Variants in ZNF236 observed in about 807,000 individuals in gnomAD.
The protein encoded by ZNF236 is regulated by glucose.
A neutral mutation model predicts 191.2 loss-of-function variants in ZNF236; 50 were observed. That is an observed-to-expected ratio of 0.26 (90% CI 0.21 to 0.33). ZNF236 has a LOEUF of 0.33. ZNF236 is among the 10% of genes least tolerant of loss of function. The pLI is 1.00. For synonymous variants in ZNF236, 907 were observed against 928.8 expected, an observed-to-expected ratio of 0.98 and a Z score of 0.43; for missense variants, 1,754 against 2,374.5, an observed-to-expected ratio of 0.74 and a Z score of 5.43.
chr18:76,865,995 C>A (rs1179537401), intron 3 of ZNF236, among the ~76,000 whole-genome samples: 1 of 152,228 alleles, frequency 6.6e-6, no homozygotes, highest in East Asian at 1.9e-4. Context: ...CTGGTCACTA[C>A]TCTGTCCAAA....
In ZNF236 at chr18:76,925,930, C is replaced by T. The variant is rs1260885687; in HGVS notation, c.4027+376C>T. On this transcript the variant is annotated intron_variant, in intron 22 of 30. Transcript: ENST00000320610. This position sits in a 1 kb window ranked among gnomAD's most constrained non-coding sequence, Gnocchi z 5.7. ...CAGTTTTCCAGTTGTTCTTGCGTCT[C>T]ATAGTGCTTGAGAAGTGTTACATTT... Among the ~76,000 whole-genome samples the T allele has an allele frequency of 2.0e-5, 3 of 152,192 alleles. No homozygotes were observed. Among genetic ancestry groups the T allele is most frequent in the Non-Finnish European group, 2.9e-5 (2 of 68,036 alleles).
chr18:76,876,729 T>G (rs1157059412), intron 6 of ZNF236, among the ~76,000 whole-genome samples: 1 of 152,182 alleles, frequency 6.6e-6, no homozygotes, highest in Admixed American at 6.5e-5. Flanking sequence ...TTGTAAGTCA[T>G]TCTTGTGGTG....
At chr18:76,836,413 C>A (rs536929267) in intron 1 of ZNF236, among the ~76,000 whole-genome samples, 2 of 151,744 alleles carry the variant, frequency 1.3e-5, no homozygotes, top group East Asian at 3.9e-4. Flanking sequence ...TTTTTAAAGA[C>A]AGGATCTTGC....
chr18:76,959,379 C>A (rs541309530), intron 28 of ZNF236, among the ~76,000 whole-genome samples: 1 of 152,298 alleles, frequency 6.6e-6, no homozygotes, highest in East Asian at 1.9e-4. Context: ...TGGCATGACG[C>A]CCTTGGTCTC....
At chr18:76,942,131 C>A (rs1043996146) in intron 26 of ZNF236, among the ~76,000 whole-genome samples, 2 of 152,182 alleles carry the variant, frequency 1.3e-5, no homozygotes, top group African/African-American at 4.8e-5. Flanking sequence ...AAGAGTTATT[C>A]ACTAGGGGAT....
rs755607333 is a variant in ZNF236 at position 76,937,108 on chromosome 18, G to C, written c.4595-48G>C. ...CGCTCTCCCTATGCCCTTACACCTG[G>C]ACTTGTCTGGCCTTCCCATTGATCT... On this transcript the variant is annotated intron_variant, in intron 25 of 30. Transcript: ENST00000320610. 3.7e-5 allele frequency: 59 copies of C among 1,577,314 alleles called. No individual in the cohort carries two copies. In the African/African-American group the frequency reaches 6.6e-4, roughly 18 times the overall value.
In ZNF236 at chr18:76,895,304, G is replaced by A. The variant is rs761833414; in HGVS notation, c.1690+19G>A. ...CACACAGGTATGGCCTCAGGGCTGG[G>A]CCCACACGGGCACTGGCCACGGGGG... On this transcript the variant is annotated intron_variant, in intron 10 of 30. Coordinates refer to ENST00000320610, the MANE Select transcript of ZNF236 (RefSeq NM_001306089.2). The A allele has an allele frequency of 3.1e-6, 5 of 1,594,798 alleles. No individual in the cohort carries two copies. In the South Asian group the frequency reaches 5.5e-5, roughly 18 times the overall value.
At chr18:76,894,926 A>C (rs893853103) in intron 9 of ZNF236, 87 bp from the exon 10 acceptor site, 1 of 1,538,666 alleles carries the variant, frequency 6.5e-7, no homozygotes, top group Non-Finnish European at 8.8e-7. Context: ...TCATGCGTGC[A>C]GCTTTCTGTG....
At chr18:76,882,788 T>C (rs1445965821) in intron 9 of ZNF236, among the ~76,000 whole-genome samples, 1 of 152,190 alleles carries the variant, frequency 6.6e-6, no homozygotes. Flanking sequence ...CCGCACAGTT[T>C]CCTGGTATCT....
intron 4 of ZNF236, among the ~76,000 whole-genome samples, chr18:76,871,193 G>T (rs1470067663): frequency 2.0e-5 from 3 of 152,188 alleles, no homozygotes; most frequent in African/African-American, 7.2e-5. Flanking sequence ...AGCAGGTTGG[G>T]AATCAATGAA....
At chr18:76,942,919 C>T (rs555371601) in intron 26 of ZNF236, among the ~76,000 whole-genome samples, 385 of 149,372 alleles carry the variant, frequency 2.6e-3, no homozygotes, top group African/African-American at 8.9e-3. Context: ...GTCAGGAGAT[C>T]CAGACCATCC....
At chr18:76,829,835 G>A (rs868362650) in intron 1 of ZNF236, among the ~76,000 whole-genome samples, 107 of 152,206 alleles carry the variant, frequency 7.0e-4, no homozygotes, top group Middle Eastern at 6.8e-3. Context: ...GCACTGTCCT[G>A]GCTTCTGATA....
intron 1 of ZNF236, among the ~76,000 whole-genome samples, chr18:76,824,666 C>T (rs1164773305): frequency 6.6e-6 from 1 of 152,186 alleles, no homozygotes; most frequent in Non-Finnish European, 1.5e-5. Flanking sequence ...CACCCATTCC[C>T]CCAGTATCCC....
At position 76,849,457 on chromosome 18, in the gene ZNF236, A is replaced by T. The variant is rs1387559240; in HGVS notation, c.56-69A>T. ...ATTTGGTTTTTAAACAATAACCAAT[A>T]ATTTGGTTTTATTTATGTGATGAGA... On this transcript the variant is annotated intron_variant, in intron 1 of 30. Coordinates refer to ENST00000320610, the MANE Select transcript of ZNF236 (RefSeq NM_001306089.2). 3 of 1,303,174 alleles carry T rather than the reference A, an allele frequency of 2.3e-6. No homozygotes were observed. The African/African-American group carries it at 4.6e-5, about 20-fold the overall frequency. The allele number at this position is 1,303,174 out of a possible 1,614,324, so 80.7% of individuals were successfully genotyped here. A position where few individuals can be genotyped will look rare whatever the true frequency, so the allele number is the denominator to read the frequency against.
chr18:76,956,651 G>A (rs965819662), intron 28 of ZNF236, among the ~76,000 whole-genome samples: 2 of 152,224 alleles, frequency 1.3e-5, no homozygotes, highest in African/African-American at 4.8e-5. Context: ...AGCTGCCCAC[G>A]CTTTCCACTG....
At chr18:76,844,902 C>CTGAATA (rs2122480961) in intron 1 of ZNF236, among the ~76,000 whole-genome samples, 1 of 152,178 alleles carries the variant, frequency 6.6e-6, no homozygotes, top group Non-Finnish European at 1.5e-5. Context: ...CAGACCAGGC[C>CTGAATA]TGAATACAGT....
chr18:76,969,872 G>C lies in ZNF236; in HGVS notation c.*1533G>C, dbSNP rs1433442341. 1 of 152,554 alleles carries C rather than the reference G, an allele frequency of 6.6e-6. No individual in the cohort carries two copies. The highest frequency in any genetic ancestry group is 1.5e-5 in the Non-Finnish European group (1 of 68,028). 9.5% of individuals were successfully genotyped at this position (152,554 alleles called of 1,614,324 possible). A position where few individuals can be genotyped will look rare whatever the true frequency, so the allele number is the denominator to read the frequency against. On this transcript the variant is annotated 3_prime_UTR_variant, in exon 31 of 31. Coordinates refer to ENST00000320610, the MANE Select transcript of ZNF236 (RefSeq NM_001306089.2). Reference sequence around the variant, plus strand: ...GATATGAAAACTTTTGTTATGTGAAGATATTTAAGTCAGAAAATTGTTAAA... The same window carrying C: ...GATATGAAAACTTTTGTTATGTGAACATATTTAAGTCAGAAAATTGTTAAA...
chr18:76,868,825 G>A lies in ZNF236; in HGVS notation c.504G>A (p.Ser168=), dbSNP rs763259421. The change falls in exon 4 of 31, where the codon TCG becomes TCA. Residue 168 remains serine, a synonymous_variant. Transcript: ENST00000320610. ...KACKKEFETS[S]ELKEHMKTHY... ...GCAAGAAAGAGTTCGAGACCTCCTC[G>A]GAGCTGAAGGAACACATGAAGACTC... The A allele has an allele frequency of 1.2e-5, 20 of 1,613,130 alleles. No homozygotes were observed. The highest frequency in any genetic ancestry group is 1.2e-4 in the South Asian group (11 of 90,992).
intron 3 of ZNF236, among the ~76,000 whole-genome samples, chr18:76,856,135 G>A (rs979926463): frequency 4.0e-5 from 6 of 150,914 alleles, no homozygotes; most frequent in African/African-American, 1.5e-4. Context: ...TTGAACTCCT[G>A]GTCTCAAGTA....
Sources: gnomAD v4.1 joint callset for allele counts (sites outside exome capture counted in the v4.1 genomes callset) on GRCh38, gnomAD v4.1.1 for gene constraint, Gnocchi (gnomAD v3.1) non-coding constraint, MANE v1.5 for transcripts, NCBI Gene and HGNC (gene_info 2026-07-23, HGNC 2026-07-21) for gene names.